ZRANB3: variants seen among roughly 807,000 people sequenced by gnomAD.
ZRANB3 encodes the protein zinc finger RANBP2-type containing 3.
Under a neutral mutation model 133.8 loss-of-function variants are expected in ZRANB3, and 125 were observed. That is an observed-to-expected ratio of 0.93 (90% CI 0.81 to 1.08). ZRANB3 has a LOEUF of 1.08. ZRANB3 is among the 50% of genes least tolerant of loss of function. ZRANB3 has a pLI of 0.00. For synonymous variants in ZRANB3, 387 were observed against 432.7 expected, an observed-to-expected ratio of 0.89 and a Z score of 1.31; for missense variants, 1,229 against 1,275.5, an observed-to-expected ratio of 0.96 and a Z score of 0.56.
At position 135,292,613 on chromosome 2, in the gene ZRANB3, G is replaced by A. The variant is rs903322467; in HGVS notation, c.967-16858C>T. Among the ~76,000 whole-genome samples, 39 of 152,184 alleles carry A rather than the reference G, an allele frequency of 2.6e-4. 1 individual carries two copies. The highest frequency in any genetic ancestry group is 2.3e-3 in the Admixed American group (35 of 15,276). ...TCTTTAGTTTAATTAGATCCCATTTGACAATTTTGGCTTTTGTTGCCATTG... is the reference window on the plus strand; with the variant it reads ...TCTTTAGTTTAATTAGATCCCATTTAACAATTTTGGCTTTTGTTGCCATTG... On this transcript the variant is annotated intron_variant, in intron 8 of 20. Transcript: ENST00000264159.
rs1387181657 is a variant in ZRANB3 at position 135,230,705 on chromosome 2, T to C, written c.1762A>G (p.Ser588Gly). 1 of 1,612,962 alleles carries C rather than the reference T, an allele frequency of 6.2e-7. No homozygotes were observed. ...LKLAASEDHC[S>G]PSEETPSQSK... ...TGGGATGGTGTCTCTTCCGACGGAC[T>C]GCAGTGGTCTTCCGAGGCAGCCAAT... The change falls in exon 13 of 21, where the codon AGT (serine) becomes GGT (glycine). Residue 588 changes from serine (S) to glycine (G), a missense_variant. Ser to Gly is a moderately conservative substitution (Grantham distance 56). Coordinates refer to ENST00000264159, the MANE Select transcript of ZRANB3 (RefSeq NM_032143.4).
intron 8 of ZRANB3, among the ~76,000 whole-genome samples, chr2:135,290,092 T>C (rs941302135): frequency 3.9e-5 from 6 of 152,212 alleles, no homozygotes; most frequent in African/African-American, 1.4e-4. Flanking sequence ...CAGAATGTTA[T>C]GTACATATCT....
chr2:135,382,677 G>T (rs1686772235), intron 3 of ZRANB3, among the ~76,000 whole-genome samples: 2 of 152,150 alleles, frequency 1.3e-5, no homozygotes, highest in Admixed American at 1.3e-4. Context: ...GAGACTGGGG[G>T]CCAATATTCA....
Position 135,302,529 on chromosome 2 carries a change from T to C in ZRANB3, c.966+10960A>G, listed in dbSNP as rs200952087. On this transcript the variant is annotated intron_variant, in intron 8 of 20. Coordinates refer to ENST00000264159, the MANE Select transcript of ZRANB3 (RefSeq NM_032143.4). ...GCTTCTGACTTCAAACCAGGGTTTG[T>C]TTTTTTTTTTTTTGAGATGGGAGTC... 1.8e-4 allele frequency among the ~76,000 whole-genome samples: 19 copies of C among 107,492 alleles called. No homozygotes were observed. In the East Asian group the frequency reaches 3.8e-3, roughly 21 times the overall value. The allele number at this position is 107,492 out of a possible 152,430, so 70.5% of individuals were successfully genotyped here. A position where few individuals can be genotyped will look rare whatever the true frequency, so the allele number is the denominator to read the frequency against.
At chr2:135,410,029 A>T (rs1466581639) in intron 2 of ZRANB3, among the ~76,000 whole-genome samples, 2 of 152,200 alleles carry the variant, frequency 1.3e-5, no homozygotes, top group Non-Finnish European at 2.9e-5. Flanking sequence ...CATGGACACA[A>T]AGAATCAATA....
At chr2:135,408,163 A>C (rs1395820998) in intron 2 of ZRANB3, among the ~76,000 whole-genome samples, 1 of 151,994 alleles carries the variant, frequency 6.6e-6, no homozygotes, top group East Asian at 1.9e-4. Flanking sequence ...AAGTGGGCAA[A>C]GGATATGAAC....
rs541421787 is a variant in ZRANB3, at chr2:135,269,047, A to G, written c.1301T>C (p.Ile434Thr). 14 of 1,613,176 alleles carry G rather than the reference A, an allele frequency of 8.7e-6. No individual in the cohort carries two copies. The South Asian group carries it at 1.2e-4, about 14-fold the overall frequency. The change falls in exon 11 of 21, where the codon ATT (isoleucine) becomes ACT (threonine). Residue 434 changes from isoleucine (I) to threonine (T), a missense_variant. Ile to Thr is a moderately conservative substitution (Grantham distance 89). Coordinates refer to ENST00000264159, the MANE Select transcript of ZRANB3 (RefSeq NM_032143.4). ...AATATTCACAGAACTGCACTGGCCA[A>G]TTCTGTGAGCTCGGTCTTCTGCTTG... ...IKQAEDRAHR[I>T]GQCSSVNIHY...
intron 2 of ZRANB3, among the ~76,000 whole-genome samples, chr2:135,476,681 ATTTCTTTTCCTTTTTTTTTTTTTT>A (rs1691510547): frequency 6.9e-6 from 1 of 145,416 alleles, no homozygotes; most frequent in Non-Finnish European, 1.5e-5. Flanking sequence ...AGCTCTCCAT[ATTTCTTTTCCTTTTTTTTTTTTTT>A]TTTCTTTTCT....
At position 135,280,386 on chromosome 2, in the gene ZRANB3, G is replaced by A. The variant is rs1487396889; in HGVS notation, c.967-4631C>T. On this transcript the variant is annotated intron_variant, in intron 8 of 20. Transcript: ENST00000264159. ...AGTTCGAGACCAGCTTGACCAACAC[G>A]GAGAAACCCCATCTCTACTAAAAAT... 3.9e-5 allele frequency among the ~76,000 whole-genome samples: 6 copies of A among 152,208 alleles called. No homozygotes were observed. The East Asian group carries it at 5.8e-4, about 15-fold the overall frequency.
chr2:135,355,322 C>A, intron 3 of ZRANB3: 2 of 896,216 alleles, frequency 2.2e-6, no homozygotes, highest in Non-Finnish European at 2.7e-6. Context: ...CTGGGAACAA[C>A]TTGGTTCCAA....
intron 2 of ZRANB3, among the ~76,000 whole-genome samples, chr2:135,501,351 A>G (rs1302965576): frequency 2.0e-5 from 3 of 152,156 alleles, no homozygotes; most frequent in African/African-American, 7.2e-5. Context: ...TTCTGAACAT[A>G]AGTCCTTCCC....
intron 1 of ZRANB3, among the ~76,000 whole-genome samples, chr2:135,519,374 T>C (rs1255581042): frequency 6.6e-6 from 1 of 152,124 alleles, no homozygotes; most frequent in Non-Finnish European, 1.5e-5. Context: ...GGCTTGGGCA[T>C]GATGATTACA....
chr2:135,207,844 T>G lies in ZRANB3; in HGVS notation c.2607-8A>C, dbSNP rs1199200923. 6.3e-7 allele frequency: 1 copy of G among 1,585,914 alleles called. No individual in the cohort carries two copies. Among genetic ancestry groups the G allele is most frequent in the Admixed American group, 1.7e-5 (1 of 57,966 alleles). On this transcript the variant is annotated splice_region_variant and splice_polypyrimidine_tract_variant and intron_variant, in intron 18 of 20. Coordinates refer to ENST00000264159, the MANE Select transcript of ZRANB3 (RefSeq NM_032143.4). The stretch of plus-strand genomic sequence containing the variant: ...CCATCTTCAAGAAGTTTTCTACAAT[T>G]GATAAAAACACTGAATAGGTAACTA...
intron 2 of ZRANB3, among the ~76,000 whole-genome samples, chr2:135,408,237 C>G (rs1180854494): frequency 6.6e-6 from 1 of 152,200 alleles, no homozygotes; most frequent in East Asian, 1.9e-4. Context: ...CTCATCATCA[C>G]TGCTCATCAG....
intron 2 of ZRANB3, among the ~76,000 whole-genome samples, chr2:135,393,360 T>C (rs1687331561): frequency 6.6e-6 from 1 of 151,848 alleles, no homozygotes; most frequent in African/African-American, 2.4e-5. Flanking sequence ...AACGAGAACA[T>C]GAACTTTTTT....
chr2:135,326,052 T>A (rs984638979), intron 6 of ZRANB3, among the ~76,000 whole-genome samples: 12 of 152,142 alleles, frequency 7.9e-5, no homozygotes, highest in Non-Finnish European at 1.6e-4. Flanking sequence ...TTCAGTGACA[T>A]CTATCATTTG....
chr2:135,455,061 T>C (rs915465436), intron 2 of ZRANB3, among the ~76,000 whole-genome samples: 1 of 151,920 alleles, frequency 6.6e-6, no homozygotes, highest in African/African-American at 2.4e-5. Context: ...ATATATAACT[T>C]AGGCTGGGTC....
chr2:135,344,253 C>G (rs6749387), intron 6 of ZRANB3, among the ~76,000 whole-genome samples: 1 of 151,962 alleles, frequency 6.6e-6, no homozygotes, highest in Non-Finnish European at 1.5e-5. Flanking sequence ...TCGGCAATAG[C>G]AGACGTGAAA....
chr2:135,414,025 C>G (rs1574066657), intron 2 of ZRANB3, among the ~76,000 whole-genome samples: 1 of 152,066 alleles, frequency 6.6e-6, no homozygotes, highest in Non-Finnish European at 1.5e-5. Flanking sequence ...ACCATCGAGA[C>G]TAGGAAGAAA....
Sources: allele counts gnomAD v4.1 joint callset (sites outside exome capture counted in the v4.1 genomes callset), GRCh38; gene constraint gnomAD v4.1.1; transcripts MANE v1.5; gene names NCBI Gene and HGNC (gene_info 2026-07-23, HGNC 2026-07-21).